RPP30: variants seen among roughly 807,000 people sequenced by gnomAD.
The protein encoded by RPP30 is ribonuclease P/MRP subunit p30.
A neutral mutation model predicts 38.6 loss-of-function variants in RPP30; 36 were observed. That is an observed-to-expected ratio of 0.93 (90% confidence interval 0.71 to 1.23). RPP30 has a LOEUF of 1.23. Among genes scored for constraint, RPP30 ranks in the 50% most tolerant of loss-of-function variants. RPP30 has a pLI of 0.00. For synonymous variants in RPP30, 126 were observed against 112.7 expected (o/e 1.12, Z -0.75); for missense variants, 321 against 321.7 (o/e 1.00, Z 0.02).
At chr10:90,884,980 C>T (rs1846979499) in intron 5 of RPP30, among the ~76,000 whole-genome samples, 1 of 152,164 alleles carries the variant, frequency 6.6e-6, no homozygotes, top group African/African-American at 2.4e-5. Context: ...AAATCAGAGC[C>T]AGGTATGTTT....
chr10:90,900,872 C>A lies in RPP30; in HGVS notation c.*193C>A. The stretch of plus-strand genomic sequence containing the variant: ...AGTGAAGCATCTTTTTAAAAGGCTG[C>A]CAGCTTAATGAATTTAGATGTACTT... On this transcript the variant is annotated 3_prime_UTR_variant, in exon 11 of 11. Transcript: ENST00000371703. 1 of 1,290,244 alleles carries A rather than the reference C, an allele frequency of 7.8e-7. No individual in the cohort carries two copies. The highest frequency in any genetic ancestry group is 9.8e-7 in the Non-Finnish European group (1 of 1,020,780). 79.9% of individuals were successfully genotyped at this position (1,290,244 alleles called of 1,614,324 possible). A position where few individuals can be genotyped will look rare whatever the true frequency, so the allele number is the denominator to read the frequency against.
intron 1 of RPP30, among the ~76,000 whole-genome samples, chr10:90,872,536 G>A (rs1340179061): frequency 1.3e-5 from 2 of 152,146 alleles, no homozygotes; most frequent in Non-Finnish European, 2.9e-5. Flanking sequence ...ACAGAGAGAG[G>A]GTAGGTGGGG....
intron 5 of RPP30, among the ~76,000 whole-genome samples, chr10:90,882,555 C>T (rs1219353199): frequency 6.6e-6 from 1 of 152,062 alleles, no homozygotes; most frequent in Non-Finnish European, 1.5e-5. Context: ...CCCAGCTACT[C>T]AGGAGGCTGA....
intron 4 of RPP30, among the ~76,000 whole-genome samples, chr10:90,876,955 C>T (rs1285869791): frequency 1.3e-5 from 2 of 152,010 alleles, no homozygotes; most frequent in South Asian, 2.1e-4. Context: ...TTTCCTGAGA[C>T]GGACCATACA....
chr10:90,885,757 T>C lies in RPP30; in HGVS notation c.343-55T>C, dbSNP rs978057732. ...ATATCGAGTTTGACCCTATCTCCCA[T>C]TCTTACTTGTGCCAATTTTCCTTTT... is the stretch of plus-strand genomic sequence containing the variant. On this transcript the variant is annotated intron_variant, in intron 5 of 10. Coordinates refer to ENST00000371703, the MANE Select transcript of RPP30 (RefSeq NM_006413.5). 5 of 1,119,286 alleles carry C rather than the reference T, an allele frequency of 4.5e-6. No homozygotes were observed. In the African/African-American group the frequency reaches 4.6e-5, roughly 10 times the overall value. The allele number at this position is 1,119,286 out of a possible 1,614,324, so 69.3% of individuals were successfully genotyped here. A position where few individuals can be genotyped will look rare whatever the true frequency, so the allele number is the denominator to read the frequency against.
chr10:90,899,516 T>G (rs1847178083), intron 10 of RPP30, among the ~76,000 whole-genome samples: 1 of 152,224 alleles, frequency 6.6e-6, no homozygotes, highest in African/African-American at 2.4e-5. Context: ...TTTCCATTTC[T>G]AAGGACAGAG....
rs1286691860 is a variant in RPP30, at chr10:90,875,589, T to C, written c.170T>C (p.Leu57Pro). 1 of 1,613,620 alleles carries C rather than the reference T, an allele frequency of 6.2e-7. No individual in the cohort carries two copies. The highest frequency in any genetic ancestry group is 1.3e-5 in the African/African-American group (1 of 75,048). Residue 57 changes from leucine to proline, a missense_variant, in exon 3 of 11, where the codon CTC becomes CCC. Physicochemically the swap from Leu to Pro is moderately conservative, Grantham distance 98 (BLOSUM62 -3). Transcript: ENST00000371703. ...EIEKPVAVSELFTTLPIVQGK... is the reference protein window; with the variant it reads ...EIEKPVAVSEPFTTLPIVQGK... The stretch of plus-strand genomic sequence containing the variant: ...GAAAAACCAGTAGCTGTTTCTGAAC[T>C]CTTCACAACTTTGCCAATTGTACAG...
intron 6 of RPP30, 61 bp from the exon 7 acceptor site, chr10:90,894,714 G>A: frequency 2.6e-6 from 3 of 1,154,312 alleles, no homozygotes; most frequent in South Asian, 1.2e-5. Flanking sequence ...GAGAGAATCA[G>A]TGAAAATGAA....
At position 90,879,061 on chromosome 10, in the gene RPP30, A is replaced by G. The variant is rs1367514585; in HGVS notation, c.271-2A>G. Reference sequence around the variant, plus strand: ...ATGATAACATTCTTTTTGTATTCCTAGAGAGCAACTTCTTCAAGGGCCCGG... The same window carrying G: ...ATGATAACATTCTTTTTGTATTCCTGGAGAGCAACTTCTTCAAGGGCCCGG... On this transcript the variant is annotated splice_acceptor_variant, in intron 4 of 10. Coordinates refer to ENST00000371703, the MANE Select transcript of RPP30 (RefSeq NM_006413.5). LOFTEE classifies it high-confidence loss of function. The G allele has an allele frequency of 6.2e-7, 1 of 1,613,066 alleles. No homozygotes were observed. Among genetic ancestry groups the G allele is most frequent in the Non-Finnish European group, 8.5e-7 (1 of 1,179,506 alleles).
Position 90,901,204 on chromosome 10 carries a change from C to T in RPP30, c.*525C>T. 2.3e-6 allele frequency: 1 copy of T among 440,084 alleles called. No individual in the cohort carries two copies. The highest frequency in any genetic ancestry group is 2.9e-6 in the Non-Finnish European group (1 of 339,460). The allele number at this position is 440,084 out of a possible 1,614,324, so 27.3% of individuals were successfully genotyped here. A position where few individuals can be genotyped will look rare whatever the true frequency, so the allele number is the denominator to read the frequency against. ...GTCTCACTATGTTGCTGAGGCTGGT[C>T]TCAAACTCCTAGGATCAAGCCATCC... is the stretch of plus-strand genomic sequence containing the variant. On this transcript the variant is annotated 3_prime_UTR_variant, in exon 11 of 11. Transcript: ENST00000371703.
chr10:90,874,402 A>T (rs1293501264), intron 1 of RPP30, among the ~76,000 whole-genome samples: 1 of 152,230 alleles, frequency 6.6e-6, no homozygotes, highest in African/African-American at 2.4e-5. Context: ...ATAAAAAGCA[A>T]AAGAAATGAA....
Position 90,895,790 on chromosome 10 carries a change from G to A in RPP30, c.580-90G>A, listed in dbSNP as rs993561951. 3.0e-5 allele frequency: 28 copies of A among 927,014 alleles called. No homozygotes were observed. In the African/African-American group the frequency reaches 4.3e-4, roughly 14 times the overall value. 57.4% of individuals were successfully genotyped at this position (927,014 alleles called of 1,614,324 possible). A position where few individuals can be genotyped will look rare whatever the true frequency, so the allele number is the denominator to read the frequency against. On this transcript the variant is annotated intron_variant, in intron 8 of 10. Transcript: ENST00000371703. ...AAATTTATGTAATTTTTTTATTTTT[G>A]GATACTTAAATTTTCTATTAATTTG...
rs181276001 is a variant in RPP30 at position 90,896,050 on chromosome 10, A to G, written c.617+133A>G. ...TTACCAATTAATAACTTCAAAAATAAATTATATAACATTATAGAGAGCTTT... is the reference window on the plus strand; with the variant it reads ...TTACCAATTAATAACTTCAAAAATAGATTATATAACATTATAGAGAGCTTT... On this transcript the variant is annotated intron_variant, in intron 9 of 10. Transcript: ENST00000371703. 1.6e-4 allele frequency: 114 copies of G among 714,360 alleles called. No homozygotes were observed. The African/African-American group carries it at 1.9e-3, about 12-fold the overall frequency. The allele number at this position is 714,360 out of a possible 1,614,324, so 44.3% of individuals were successfully genotyped here. A position where few individuals can be genotyped will look rare whatever the true frequency, so the allele number is the denominator to read the frequency against.
intron 1 of RPP30, 139 bp from the exon 2 acceptor site, chr10:90,874,730 C>G (rs1846828181): frequency 6.5e-6 from 3 of 460,014 alleles, no homozygotes; most frequent in Non-Finnish European, 1.2e-5. Flanking sequence ...TTAAATCAGG[C>G]AGACTGACAC....
At chr10:90,896,545 C>T (rs1054041521) in intron 10 of RPP30, among the ~76,000 whole-genome samples, 153 bp downstream of exon 10, 5 of 152,124 alleles carry the variant, frequency 3.3e-5, no homozygotes, top group Non-Finnish European at 7.4e-5. Flanking sequence ...GTTTTCTCAC[C>T]CTCACTTCAG....
chr10:90,878,020 C>G (rs1846873921), intron 4 of RPP30, among the ~76,000 whole-genome samples: 1 of 152,216 alleles, frequency 6.6e-6, no homozygotes, highest in African/African-American at 2.4e-5. Flanking sequence ...TCTTACACAC[C>G]TGCAAGGCAG....
At chr10:90,880,735 A>C (rs536103103) in intron 5 of RPP30, among the ~76,000 whole-genome samples, 1 of 152,200 alleles carries the variant, frequency 6.6e-6, no homozygotes, top group Non-Finnish European at 1.5e-5. Flanking sequence ...AATTTTTTTT[A>C]AATGCAATTA....
At chr10:90,881,796 T>A (rs1411946335) in intron 5 of RPP30, among the ~76,000 whole-genome samples, 2 of 152,220 alleles carry the variant, frequency 1.3e-5, no homozygotes, top group African/African-American at 4.8e-5. Context: ...TATCTAGAAT[T>A]CTAACAGGTA....
Position 90,900,562 on chromosome 10 carries a change from T to C in RPP30, c.698-8T>C. 1 of 1,608,726 alleles carries C rather than the reference T, an allele frequency of 6.2e-7. No individual in the cohort carries two copies. On this transcript the variant is annotated splice_polypyrimidine_tract_variant and splice_region_variant and intron_variant, in intron 10 of 10. Coordinates refer to ENST00000371703, the MANE Select transcript of RPP30 (RefSeq NM_006413.5). ...TCAAGCACAGTGGTTTCCCTGTTTG[T>C]TTTACAGAAACTAGAAAAACTGCTT... is the stretch of plus-strand genomic sequence containing the variant.
Sources: allele counts gnomAD v4.1 joint callset (sites outside exome capture counted in the v4.1 genomes callset), GRCh38; gene constraint gnomAD v4.1.1; transcripts MANE v1.5; gene names NCBI Gene and HGNC (gene_info 2026-07-23, HGNC 2026-07-21).